Variants in IMMP2L observed in about 807,000 individuals in gnomAD.
The protein encoded by IMMP2L is inner mitochondrial membrane peptidase subunit 2.
Under a neutral mutation model 19.3 loss-of-function variants are expected in IMMP2L, and 18 were observed. That is an observed-to-expected ratio of 0.93 (90% CI 0.64 to 1.38). The LOEUF is 1.38. Among genes scored for constraint, IMMP2L ranks in the 40% most tolerant of loss-of-function variants. The pLI, the probability that IMMP2L is intolerant of heterozygous loss-of-function variation, is 0.00. For missense variants in IMMP2L, 233 were observed against 218.2 expected (o/e 1.07, Z -0.43); for synonymous variants, 76 against 73.0 (o/e 1.04, Z -0.21).
chr7:110,932,672 A>ATTC (rs1008291851), intron 4 of IMMP2L, among the ~76,000 whole-genome samples: 9 of 152,346 alleles, frequency 5.9e-5, no homozygotes, highest in Admixed American at 5.9e-4. Flanking sequence ...CAGTTTTTAC[A>ATTC]TTCTCCAGTG....
intron 5 of IMMP2L, among the ~76,000 whole-genome samples, chr7:110,832,027 G>C (rs1454485361): frequency 6.6e-6 from 1 of 152,212 alleles, no homozygotes; most frequent in African/African-American, 2.4e-5. Context: ...ACTTTGGGAG[G>C]TTGAGGTGTG....
intron 3 of IMMP2L, among the ~76,000 whole-genome samples, chr7:110,974,234 A>G (rs2129557038): frequency 6.6e-6 from 1 of 152,178 alleles, no homozygotes; most frequent in Non-Finnish European, 1.5e-5. Flanking sequence ...AATGGCAGAA[A>G]CTTGGGGATT....
At chr7:110,755,614 G>A (rs562500417) in intron 5 of IMMP2L, among the ~76,000 whole-genome samples, 3 of 152,236 alleles carry the variant, frequency 2.0e-5, no homozygotes, top group East Asian at 1.9e-4. Flanking sequence ...GAGCTTTAGC[G>A]TATAGTGGTG....
At chr7:111,487,464 T>C in intron 2 of IMMP2L, 123 bp from the exon 3 acceptor site, 1 of 564,584 alleles carries the variant, frequency 1.8e-6, no homozygotes, top group Non-Finnish European at 3.2e-6. Flanking sequence ...TTCTATAAAT[T>C]GCTGTTCTAA....
At chr7:111,224,586 G>A (rs1812875620) in intron 3 of IMMP2L, among the ~76,000 whole-genome samples, 1 of 152,212 alleles carries the variant, frequency 6.6e-6, no homozygotes, top group East Asian at 1.9e-4. Context: ...GTGACAAGAT[G>A]CAGAATACTG....
chr7:111,295,081 T>C (rs1821484802), intron 3 of IMMP2L, among the ~76,000 whole-genome samples: 1 of 151,912 alleles, frequency 6.6e-6, no homozygotes, highest in Non-Finnish European at 1.5e-5. Context: ...TTTTGCAGCA[T>C]ATTTGTAACA....
At chr7:111,325,273 A>G (rs1397607261) in intron 3 of IMMP2L, among the ~76,000 whole-genome samples, 5 of 151,754 alleles carry the variant, frequency 3.3e-5, no homozygotes, top group Admixed American at 1.3e-4. Context: ...GCAATCTTGG[A>G]AAGTTCAAAA....
At position 110,949,206 on chromosome 7, in the gene IMMP2L, CATCATAT is replaced by C. The variant is rs1351577898; in HGVS notation, c.305+14287_305+14293del. Among the ~76,000 whole-genome samples, 4 of 152,140 alleles carry C rather than the reference CATCATAT, an allele frequency of 2.6e-5. No homozygotes were observed. In the East Asian group the frequency reaches 7.7e-4, roughly 29 times the overall value. On this transcript the variant is annotated intron_variant, in intron 4 of 5. Coordinates refer to ENST00000405709, the MANE Select transcript of IMMP2L (RefSeq NM_032549.4). ...ATAAATCCCCTCTCATATATCTGTA[CATCATAT>C]ATATGTATTGGTTTTGTCTCTCTGA...
At chr7:111,308,912 A>C (rs1481568460) in intron 3 of IMMP2L, among the ~76,000 whole-genome samples, 1 of 152,118 alleles carries the variant, frequency 6.6e-6, no homozygotes, top group Admixed American at 6.6e-5. Context: ...GGAAAAAAGT[A>C]CAATATGGTA....
chr7:110,895,463 C>G (rs1811230486), intron 4 of IMMP2L, among the ~76,000 whole-genome samples: 1 of 152,000 alleles, frequency 6.6e-6, no homozygotes, highest in Admixed American at 6.6e-5. Context: ...GCAATGAGTC[C>G]CCCAATTTTG....
At chr7:111,217,990 A>T (rs1812133542) in intron 3 of IMMP2L, among the ~76,000 whole-genome samples, 1 of 152,206 alleles carries the variant, frequency 6.6e-6, no homozygotes, top group East Asian at 1.9e-4. Flanking sequence ...TCTTTTCAAA[A>T]TAATGAGCTA....
intron 3 of IMMP2L, among the ~76,000 whole-genome samples, chr7:111,283,113 T>C (rs566373889): frequency 1.2e-3 from 180 of 152,242 alleles, no homozygotes; most frequent in Non-Finnish European, 2.1e-3. Context: ...ATAAAAATAA[T>C]ATATGTTCTC....
intron 3 of IMMP2L, among the ~76,000 whole-genome samples, chr7:111,222,001 A>G (rs891128124): frequency 5.3e-5 from 8 of 151,994 alleles, no homozygotes; most frequent in Admixed American, 3.3e-4. Context: ...TGATGGGGGA[A>G]AAGTAAATCC....
chr7:110,670,714 C>CA (rs1471786395), intron 5 of IMMP2L, among the ~76,000 whole-genome samples: 21 of 144,648 alleles, frequency 1.5e-4, no homozygotes, highest in African/African-American at 4.6e-4. Flanking sequence ...ACAAAAAAAA[C>CA]AAAAAAAACC....
intron 5 of IMMP2L, among the ~76,000 whole-genome samples, chr7:110,768,024 G>A (rs1798780103): frequency 6.6e-6 from 1 of 152,166 alleles, no homozygotes; most frequent in African/African-American, 2.4e-5. Flanking sequence ...CCCTGCCCAT[G>A]AGGTCTGTTA....
At chr7:111,444,619 G>A (rs914442149) in intron 3 of IMMP2L, among the ~76,000 whole-genome samples, 1 of 151,428 alleles carries the variant, frequency 6.6e-6, no homozygotes, top group Non-Finnish European at 1.5e-5. Context: ...TTTCCTCATC[G>A]CTTCTACTGC....
intron 3 of IMMP2L, among the ~76,000 whole-genome samples, chr7:111,194,744 T>C (rs1338226579): frequency 6.6e-6 from 1 of 152,206 alleles, no homozygotes; most frequent in Non-Finnish European, 1.5e-5. Context: ...ATTTCCTTTA[T>C]AAATTATTTT....
At chr7:111,172,013 C>T (rs1806502086) in intron 3 of IMMP2L, among the ~76,000 whole-genome samples, 1 of 151,020 alleles carries the variant, frequency 6.6e-6, no homozygotes, top group Admixed American at 6.6e-5. Context: ...AATTTATTCT[C>T]TGATTTAACA....
chr7:111,559,044 G>A (rs1472886802), intron 1 of IMMP2L, among the ~76,000 whole-genome samples: 1 of 152,124 alleles, frequency 6.6e-6, no homozygotes, highest in African/African-American at 2.4e-5. Context: ...CTGACCAGGT[G>A]CTCATTTTCG....
Sources: allele counts gnomAD v4.1 joint callset (sites outside exome capture counted in the v4.1 genomes callset), GRCh38; gene constraint gnomAD v4.1.1; transcripts MANE v1.5; gene names NCBI Gene and HGNC (gene_info 2026-07-23, HGNC 2026-07-21).